PRKG1: variants seen among roughly 807,000 people sequenced by gnomAD.
PRKG1 encodes the protein cGMP-dependent protein kinase 1.
Under a neutral mutation model 88.1 loss-of-function variants are expected in PRKG1, and 35 were observed. That is an observed-to-expected ratio of 0.40 (90% CI 0.30 to 0.53). The LOEUF (loss-of-function observed/expected upper bound fraction) is 0.53, where lower values mean the gene tolerates loss of function less well. Ranked by LOEUF, PRKG1 falls within the 20% of genes least tolerant of loss-of-function variation. PRKG1 has a pLI of 0.59. For synonymous variants in PRKG1, 303 were observed against 292.5 expected, an observed-to-expected ratio of 1.04 and a Z score of -0.37; for missense variants, 540 against 839.8, an observed-to-expected ratio of 0.64 and a Z score of 4.41.
chr10:51,906,371 T>C (rs917918135), intron 4 of PRKG1, among the ~76,000 whole-genome samples: 1 of 152,184 alleles, frequency 6.6e-6, no homozygotes, highest in African/African-American at 2.4e-5. Flanking sequence ...CAGGAAGTCC[T>C]GAGAACATAT....
chr10:52,105,839 G>GT (rs1284549646), intron 7 of PRKG1, among the ~76,000 whole-genome samples: 6 of 151,396 alleles, frequency 4.0e-5, no homozygotes, highest in Admixed American at 1.3e-4. Flanking sequence ...TATTTCAATA[G>GT]TTTTTTGGGA....
intron 3 of PRKG1, among the ~76,000 whole-genome samples, chr10:51,720,204 T>G (rs1194318901): frequency 1.3e-5 from 2 of 152,182 alleles, no homozygotes; most frequent in African/African-American, 4.8e-5. Context: ...GACCACACTC[T>G]TCATTCTGAC....
At chr10:51,797,700 C>G (rs1302458345) in intron 3 of PRKG1, among the ~76,000 whole-genome samples, 1 of 151,044 alleles carries the variant, frequency 6.6e-6, no homozygotes, top group Non-Finnish European at 1.5e-5. Flanking sequence ...CAATCAGTGC[C>G]TTTAAGGACA....
chr10:51,711,961 A>G (rs1012378548), intron 3 of PRKG1, among the ~76,000 whole-genome samples: 4 of 152,182 alleles, frequency 2.6e-5, no homozygotes, highest in African/African-American at 9.6e-5. Context: ...TTCCTCACCC[A>G]TTCTGCATTC....
At chr10:52,230,376 T>C (rs1280877117) in intron 9 of PRKG1, among the ~76,000 whole-genome samples, 2 of 152,228 alleles carry the variant, frequency 1.3e-5, no homozygotes, top group Non-Finnish European at 2.9e-5. Flanking sequence ...AAAATAATGA[T>C]CATCTTTTAT....
chr10:51,839,592 T>A (rs1200547507), intron 4 of PRKG1, among the ~76,000 whole-genome samples: 2 of 152,224 alleles, frequency 1.3e-5, no homozygotes, highest in Non-Finnish European at 2.9e-5. Context: ...GGAATTATAT[T>A]GAAAACCAGC....
chr10:51,861,019 C>T (rs1840859489), intron 4 of PRKG1, among the ~76,000 whole-genome samples: 1 of 152,196 alleles, frequency 6.6e-6, no homozygotes, highest in Non-Finnish European at 1.5e-5. Context: ...GTACTCACTA[C>T]ATGCCTAGCA....
At chr10:51,428,172 A>T (rs913934535) in intron 2 of PRKG1, among the ~76,000 whole-genome samples, 1 of 152,184 alleles carries the variant, frequency 6.6e-6, no homozygotes, top group Non-Finnish European at 1.5e-5. Flanking sequence ...TCTGTTTTCC[A>T]TGCATCCTCG....
At chr10:52,157,700 A>G (rs1838161551) in intron 8 of PRKG1, among the ~76,000 whole-genome samples, 1 of 151,522 alleles carries the variant, frequency 6.6e-6, no homozygotes, top group Non-Finnish European at 1.5e-5. Flanking sequence ...TTTAAATGTC[A>G]CCATTCTTAG....
intron 1 of PRKG1, among the ~76,000 whole-genome samples, chr10:51,118,724 C>T (rs1845193666): frequency 2.0e-5 from 3 of 152,092 alleles, no homozygotes; most frequent in Non-Finnish European, 4.4e-5. Context: ...TACGTCTTCC[C>T]TCTGCAACCT....
Position 51,770,299 on chromosome 10 carries a change from G to A in PRKG1, c.593-34286G>A, listed in dbSNP as rs187594598. On this transcript the variant is annotated intron_variant, in intron 3 of 17. Transcript: ENST00000373980. The stretch of plus-strand genomic sequence containing the variant: ...AAGAGTTATGCAGCATAGAGGGAAA[G>A]TGGTTGTAACTTTACTCACTGTGAA... 1.1e-3 allele frequency among the ~76,000 whole-genome samples: 166 copies of A among 152,336 alleles called. 1 individual carries two copies. Among genetic ancestry groups the A allele is most frequent in the African/African-American group, 3.8e-3 (158 of 41,582 alleles).
At chr10:51,290,562 A>C (rs1840558446) in intron 2 of PRKG1, among the ~76,000 whole-genome samples, 1 of 152,200 alleles carries the variant, frequency 6.6e-6, no homozygotes. Flanking sequence ...TGATTCGTTT[A>C]AATAATTGTA....
chr10:52,030,779 C>T (rs16925947), intron 5 of PRKG1, among the ~76,000 whole-genome samples: 2,612 of 152,174 alleles, frequency 0.017, 74 homozygotes, highest in African/African-American at 0.06. Flanking sequence ...AAGTTAAATG[C>T]ACCCATAAGA....
chr10:52,240,944 A>G (rs7909144), intron 9 of PRKG1, among the ~76,000 whole-genome samples: 78,571 of 151,990 alleles, frequency 0.52, 22,123 homozygotes, highest in East Asian at 0.79. Flanking sequence ...ACCATTGGTA[A>G]TTAACTGCTG....
intron 3 of PRKG1, among the ~76,000 whole-genome samples, chr10:51,560,600 A>G (rs1348226682): frequency 2.0e-5 from 3 of 152,104 alleles, no homozygotes; most frequent in Non-Finnish European, 4.4e-5. Flanking sequence ...GTCTTGTGTT[A>G]TGTATGTCAC....
At chr10:52,275,396 C>A (rs12243664) in intron 12 of PRKG1, among the ~76,000 whole-genome samples, 21,112 of 152,054 alleles carry the variant, frequency 0.14, 2,121 homozygotes, top group African/African-American at 0.26. Context: ...ATTTTCCTAC[C>A]TGTGGCTAGC....
rs565384826 is a variant in PRKG1, at chr10:51,801,892, T to G, written c.593-2693T>G. ...AATGATATACGTTTCAGCAAAGAATTTTAGATACATACTTGAACAAAAAGG... is the reference window on the plus strand; with the variant it reads ...AATGATATACGTTTCAGCAAAGAATGTTAGATACATACTTGAACAAAAAGG... On this transcript the variant is annotated intron_variant, in intron 3 of 17. Transcript: ENST00000373980. 2.6e-5 allele frequency among the ~76,000 whole-genome samples: 4 copies of G among 152,268 alleles called. No homozygotes were observed. The South Asian group carries it at 8.3e-4, about 32-fold the overall frequency.
intron 2 of PRKG1, among the ~76,000 whole-genome samples, chr10:51,285,461 A>T (rs193225499): frequency 2.3e-3 from 352 of 152,282 alleles, no homozygotes; most frequent in Middle Eastern, 6.8e-3. Flanking sequence ...TCAATATTTT[A>T]TTCAGGACCT....
rs1588893021 is a variant in PRKG1, at chr10:51,374,795, A to G, written c.479-92928A>G. 4.6e-5 allele frequency among the ~76,000 whole-genome samples: 7 copies of G among 152,208 alleles called. No individual in the cohort carries two copies. In the South Asian group the frequency reaches 1.2e-3, roughly 27 times the overall value. Reference sequence around the variant, plus strand: ...GTCTCAGGTATTTTGTTGTAGAAGCATGAGACAGACTAAGGAGAAATCTGC... The same window carrying G: ...GTCTCAGGTATTTTGTTGTAGAAGCGTGAGACAGACTAAGGAGAAATCTGC... On this transcript the variant is annotated intron_variant, in intron 2 of 17. Coordinates refer to ENST00000373980, the MANE Select transcript of PRKG1 (RefSeq NM_006258.4).
Sources: gnomAD v4.1 joint callset for allele counts (sites outside exome capture counted in the v4.1 genomes callset) on GRCh38, gnomAD v4.1.1 for gene constraint, MANE v1.5 for transcripts, NCBI Gene and HGNC (gene_info 2026-07-23, HGNC 2026-07-21) for gene names.